PCDHGA1: variants seen among roughly 807,000 people sequenced by gnomAD.
PCDHGA1 encodes protocadherin gamma subfamily A, 1.
In PCDHGA1, 32 loss-of-function variants were observed where a neutral mutation model predicts 58.0. That is an observed-to-expected ratio of 0.55 (90% CI 0.42 to 0.74). The LOEUF is 0.74. Among genes scored for constraint, PCDHGA1 ranks in the 30% least tolerant of loss-of-function variants. The probability of loss-of-function intolerance (pLI) is 0.00; values close to 1 mark genes in which losing one functional copy is unlikely to be tolerated. For missense variants in PCDHGA1, 1,205 were observed against 1,182.3 expected (o/e 1.02, Z -0.28); for synonymous variants, 498 against 501.1 (o/e 0.99, Z 0.08).
At chr5:141,392,956 T>G in intron 1 of PCDHGA1, 1 of 1,613,820 alleles carries the variant, frequency 6.2e-7, no homozygotes, top group South Asian at 1.1e-5. Context: ...GTGGGTAATA[T>G]CTCCAAGGAC....
Position 141,376,056 on chromosome 5 carries a change from T to C in PCDHGA1, c.2421+42951T>C, listed in dbSNP as rs768295127. 1.1e-5 allele frequency: 18 copies of C among 1,613,354 alleles called. No individual in the cohort carries two copies. In the South Asian group the frequency reaches 1.9e-4, roughly 17 times the overall value. ...GGCCAGCCCCCTCTCTCCGCCACTG[T>C]CACGCTCACCGTGGCCGTGGCCGAC... On this transcript the variant is annotated intron_variant, in intron 1 of 3. Coordinates refer to ENST00000517417, the MANE Select transcript of PCDHGA1 (RefSeq NM_018912.3).
At position 141,399,393 on chromosome 5, in the gene PCDHGA1, C is replaced by G. The variant is rs762678347; in HGVS notation, c.2421+66288C>G. 28 of 1,613,976 alleles carry G rather than the reference C, an allele frequency of 1.7e-5. No homozygotes were observed. In the Middle Eastern group the frequency reaches 2.8e-3, roughly 162 times the overall value. ...ACAATGTCACCATCACAGCCACAGA[C>G]AGGGGCAAGCCGCCCCTCTCCTCCA... On this transcript the variant is annotated intron_variant, in intron 1 of 3. Transcript: ENST00000517417.
chr5:141,360,237 C>A, intron 1 of PCDHGA1: 1 of 1,613,902 alleles, frequency 6.2e-7, no homozygotes, highest in Non-Finnish European at 8.5e-7. Flanking sequence ...TCCAGATCCG[C>A]TATTCAATTC....
At chr5:141,358,687 A>G (rs1760991810) in intron 1 of PCDHGA1, among the ~76,000 whole-genome samples, 1 of 152,206 alleles carries the variant, frequency 6.6e-6, no homozygotes, top group African/African-American at 2.4e-5. Flanking sequence ...GCTTATCATG[A>G]CATCACTATT....
chr5:141,426,375 G>A, intron 1 of PCDHGA1: 2 of 216,424 alleles, frequency 9.2e-6, no homozygotes, highest in South Asian at 7.8e-5. Flanking sequence ...GGGCACCCTC[G>A]GAGCAGATCC....
Position 141,487,687 on chromosome 5 carries a change from A to G in PCDHGA1, c.2422-7120A>G, listed in dbSNP as rs750431854. ...CAGGCATATGGCTAGGCCATGTCCTAGAGAGTACTGGCCTCTCAGTAAGTG... is the reference window on the plus strand; with the variant it reads ...CAGGCATATGGCTAGGCCATGTCCTGGAGAGTACTGGCCTCTCAGTAAGTG... On this transcript the variant is annotated intron_variant, in intron 1 of 3. Transcript: ENST00000517417. This position sits in a 1 kb window ranked among gnomAD's most constrained non-coding sequence, Gnocchi z 5.0. The G allele has an allele frequency of 1.9e-6, 3 of 1,606,256 alleles. No individual in the cohort carries two copies. The highest frequency in any genetic ancestry group is 3.4e-5 in the Admixed American group (2 of 58,832).
At chr5:141,340,417 C>G (rs745593461) in intron 1 of PCDHGA1, 1 of 1,614,198 alleles carries the variant, frequency 6.2e-7, no homozygotes, top group Admixed American at 1.7e-5. Flanking sequence ...CCGACAGCAA[C>G]GACAATGCTC....
chr5:141,471,926 G>A (rs2099266798), intron 1 of PCDHGA1, among the ~76,000 whole-genome samples: 2 of 152,110 alleles, frequency 1.3e-5, no homozygotes. Flanking sequence ...AATTTTGGGG[G>A]TGATGAGAGT....
chr5:141,420,099 C>T (rs750814136), intron 1 of PCDHGA1: 4 of 1,613,996 alleles, frequency 2.5e-6, no homozygotes, highest in South Asian at 2.2e-5. Flanking sequence ...AGTGAGGGAA[C>T]GTTGCCCTAT....
chr5:141,366,015 T>A, intron 1 of PCDHGA1: 1 of 1,614,144 alleles, frequency 6.2e-7, no homozygotes, highest in Non-Finnish European at 8.5e-7. Flanking sequence ...ACGCCTGAGA[T>A]CCTGTACCCC....
At chr5:141,418,407 A>C (rs1165583519) in intron 1 of PCDHGA1, 1 of 1,613,926 alleles carries the variant, frequency 6.2e-7, no homozygotes, top group Non-Finnish European at 8.5e-7. Flanking sequence ...TTGGTGGAGA[A>C]AGACAATCCT....
chr5:141,388,871 C>G, intron 1 of PCDHGA1: 1 of 1,613,930 alleles, frequency 6.2e-7, no homozygotes, highest in Non-Finnish European at 8.5e-7. Flanking sequence ...TTGCGCAATG[C>G]ACAGTGGAGG....
intron 1 of PCDHGA1, chr5:141,421,287 C>T: frequency 1.2e-6 from 2 of 1,613,240 alleles, no homozygotes; most frequent in Non-Finnish European, 1.7e-6. Flanking sequence ...TGTGCATTTT[C>T]CTGGGGACGC....
intron 1 of PCDHGA1, chr5:141,421,308 C>T: frequency 6.2e-7 from 1 of 1,613,678 alleles, no homozygotes; most frequent in Non-Finnish European, 8.5e-7. Flanking sequence ...TGCGGGGGTT[C>T]CGGGCCAGGC....
intron 1 of PCDHGA1, chr5:141,419,006 A>T: frequency 6.2e-7 from 1 of 1,614,006 alleles, no homozygotes. Context: ...TGGGGAAGTC[A>T]GGTGTAGCTT....
At chr5:141,337,555 G>A (rs945451017) in intron 1 of PCDHGA1, among the ~76,000 whole-genome samples, 1 of 152,216 alleles carries the variant, frequency 6.6e-6, no homozygotes, top group Admixed American at 6.5e-5. Context: ...CCTCATATAT[G>A]AAGTTCCTAG....
At chr5:141,394,324 A>G in intron 1 of PCDHGA1, 1 of 1,613,922 alleles carries the variant, frequency 6.2e-7, no homozygotes. Context: ...CTGTCCTCGT[A>G]TATCTCCATC....
chr5:141,347,424 C>A (rs1015166008), intron 1 of PCDHGA1, among the ~76,000 whole-genome samples: 1 of 151,938 alleles, frequency 6.6e-6, no homozygotes, highest in Non-Finnish European at 1.5e-5. Context: ...CAAAGTACTG[C>A]GATTAGAGGC....
intron 1 of PCDHGA1, chr5:141,390,350 A>G: frequency 6.4e-7 from 1 of 1,563,816 alleles, no homozygotes; most frequent in South Asian, 1.2e-5. Context: ...AAGAAAATAT[A>G]CATATTTGCA....
Sources: allele counts gnomAD v4.1 joint callset (sites outside exome capture counted in the v4.1 genomes callset), GRCh38; gene constraint gnomAD v4.1.1; non-coding constraint Gnocchi (gnomAD v3.1); transcripts MANE v1.5; gene names NCBI Gene and HGNC (gene_info 2026-07-23, HGNC 2026-07-21).